Variants in ADAMTS3 observed in about 807,000 individuals in gnomAD.
The protein encoded by ADAMTS3 is A disintegrin and metalloproteinase with thrombospondin motifs 3.
In ADAMTS3, 73 loss-of-function variants were observed where a neutral mutation model predicts 129.0. The observed-to-expected ratio is 0.57, with a 90% CI of 0.47 to 0.69. ADAMTS3 has a LOEUF of 0.69. Ranked by LOEUF, ADAMTS3 falls within the 30% of genes least tolerant of loss-of-function variation. The probability of loss-of-function intolerance (pLI) is 0.00; values close to 1 mark genes in which losing one functional copy is unlikely to be tolerated. For missense variants in ADAMTS3, 1,457 were observed against 1,514.5 expected (o/e 0.96, Z 0.63); for synonymous variants, 477 against 510.8 (o/e 0.93, Z 0.89).
chr4:72,455,440 C>G (rs1718521566), intron 3 of ADAMTS3, among the ~76,000 whole-genome samples: 2 of 151,136 alleles, frequency 1.3e-5, no homozygotes, highest in Admixed American at 1.3e-4. Context: ...CATATGGACA[C>G]AGGGAGGGGA....
intron 3 of ADAMTS3, among the ~76,000 whole-genome samples, chr4:72,508,236 G>A (rs746693473): frequency 2.2e-4 from 34 of 152,096 alleles, no homozygotes; most frequent in Admixed American, 7.2e-4. Context: ...CAGTTGGGGT[G>A]TTACATTTGT....
chr4:72,352,827 G>A (rs941014515), intron 4 of ADAMTS3, among the ~76,000 whole-genome samples: 3 of 151,984 alleles, frequency 2.0e-5, no homozygotes, highest in Non-Finnish European at 2.9e-5. Context: ...GAAAAGTATT[G>A]AAATGTTGGG....
intron 13 of ADAMTS3, 21 bp downstream of exon 13, chr4:72,312,269 AG>A: frequency 1.9e-6 from 3 of 1,612,764 alleles, no homozygotes; most frequent in Non-Finnish European, 2.5e-6. Context: ...CACAGCAGGA[AG>A]GAGAGCACGA....
intron 3 of ADAMTS3, among the ~76,000 whole-genome samples, chr4:72,474,944 G>A (rs986385961): frequency 6.7e-6 from 1 of 150,276 alleles, no homozygotes. Flanking sequence ...GGAGAATGGC[G>A]TGAACCCGGG....
At chr4:72,354,658 T>C (rs994546869) in intron 4 of ADAMTS3, among the ~76,000 whole-genome samples, 7 of 151,996 alleles carry the variant, frequency 4.6e-5, no homozygotes, top group African/African-American at 1.7e-4. Flanking sequence ...ACATTGACAT[T>C]CCAATGTCTT....
chr4:72,518,510 T>C (rs1720561299), intron 3 of ADAMTS3, among the ~76,000 whole-genome samples: 1 of 152,066 alleles, frequency 6.6e-6, no homozygotes, highest in Admixed American at 6.5e-5. Flanking sequence ...GCTTTATGAA[T>C]CTGGGTGCTC....
intron 15 of ADAMTS3, among the ~76,000 whole-genome samples, chr4:72,307,435 T>A (rs1264136125): frequency 6.6e-6 from 1 of 152,066 alleles, no homozygotes; most frequent in African/African-American, 2.4e-5. Context: ...TTAGCTTCTC[T>A]TGTTTCAGCA....
intron 19 of ADAMTS3, 49 bp downstream of exon 19, chr4:72,295,605 G>T (rs771657821): frequency 1.3e-6 from 2 of 1,570,612 alleles, no homozygotes; most frequent in Non-Finnish European, 1.7e-6. Context: ...TAAAGGCAGT[G>T]AAGTCCTGAT....
intron 3 of ADAMTS3, among the ~76,000 whole-genome samples, chr4:72,436,244 A>T (rs1045493723): frequency 7.4e-4 from 112 of 152,312 alleles, no homozygotes; most frequent in African/African-American, 2.6e-3. Flanking sequence ...GCCAAAAGAC[A>T]CATGAAAAAA....
At position 72,549,008 on chromosome 4, in the gene ADAMTS3, G is replaced by T. The variant is rs143962887; in HGVS notation, c.98-124C>A. The T allele has an allele frequency of 1.7e-4, 137 of 795,356 alleles. 1 individual carries two copies. In the African/African-American group the frequency reaches 2.1e-3, roughly 12 times the overall value. The allele number at this position is 795,356 out of a possible 1,614,324, so 49.3% of individuals were successfully genotyped here. On this transcript the variant is annotated intron_variant, in intron 2 of 21. Coordinates refer to ENST00000286657, the MANE Select transcript of ADAMTS3 (RefSeq NM_014243.3). ...CAATGTGCATAATATAGACATTCCT[G>T]AATCAGCTCATAAATATTAAATTTT...
chr4:72,498,662 C>T lies in ADAMTS3; in HGVS notation c.504+49816G>A, dbSNP rs377363362. On this transcript the variant is annotated intron_variant, in intron 3 of 21. Coordinates refer to ENST00000286657, the MANE Select transcript of ADAMTS3 (RefSeq NM_014243.3). ...TCTCTCTCTCTTTCTCACACGCACA[C>T]ACACACGCACACACACGTTTATTAA... 7.9e-4 allele frequency among the ~76,000 whole-genome samples: 120 copies of T among 151,994 alleles called. 4 individuals carry two copies. In the South Asian group the frequency reaches 0.025, roughly 31 times the overall value.
At chr4:72,346,957 A>C (rs950728410) in intron 4 of ADAMTS3, among the ~76,000 whole-genome samples, 1 of 152,138 alleles carries the variant, frequency 6.6e-6, no homozygotes, top group Admixed American at 6.6e-5. Context: ...GTACTTGGTT[A>C]ATAGATGTTC....
At chr4:72,455,109 A>G (rs922133425) in intron 3 of ADAMTS3, among the ~76,000 whole-genome samples, 2 of 151,726 alleles carry the variant, frequency 1.3e-5, no homozygotes, top group Non-Finnish European at 2.9e-5. Flanking sequence ...TAAAAATCAA[A>G]ATCTGAACAA....
chr4:72,468,861 C>T (rs974082432), intron 3 of ADAMTS3, among the ~76,000 whole-genome samples: 1 of 152,002 alleles, frequency 6.6e-6, no homozygotes, highest in African/African-American at 2.4e-5. Flanking sequence ...ACCAGTCACA[C>T]ATCTAAGTTT....
chr4:72,371,767 G>A (rs927822409), intron 4 of ADAMTS3, among the ~76,000 whole-genome samples: 5 of 151,982 alleles, frequency 3.3e-5, no homozygotes, highest in Admixed American at 6.5e-5. Context: ...TATGAATAAC[G>A]CAATTAACAA....
chr4:72,549,000 A>C (rs919470454), intron 2 of ADAMTS3, 116 bp from the exon 3 acceptor site: 9 of 877,362 alleles, frequency 1.0e-5, no homozygotes, highest in Non-Finnish European at 1.5e-5. Context: ...CATAATATAG[A>C]CATTCCTGAA....
chr4:72,373,364 G>A (rs960469131), intron 4 of ADAMTS3, among the ~76,000 whole-genome samples: 8 of 152,072 alleles, frequency 5.3e-5, no homozygotes, highest in South Asian at 2.1e-4. Flanking sequence ...TTAGTAAATG[G>A]TGCCAAAATG....
chr4:72,538,673 T>C (rs1005047900), intron 3 of ADAMTS3, among the ~76,000 whole-genome samples: 4 of 152,092 alleles, frequency 2.6e-5, no homozygotes, highest in African/African-American at 7.2e-5. Flanking sequence ...TAAATTCATA[T>C]GGTATCTCAA....
chr4:72,563,923 G>C (rs751994548), intron 2 of ADAMTS3, among the ~76,000 whole-genome samples: 2 of 152,146 alleles, frequency 1.3e-5, no homozygotes, highest in Non-Finnish European at 2.9e-5. Context: ...GGTTAATCTA[G>C]TGACAATGTT....
Sources: allele counts gnomAD v4.1 joint callset (sites outside exome capture counted in the v4.1 genomes callset), GRCh38; gene constraint gnomAD v4.1.1; transcripts MANE v1.5; gene names NCBI Gene and HGNC (gene_info 2026-07-23, HGNC 2026-07-21).